The following TENM2 variants were observed in gnomAD, a reference collection of about 807,000 sequenced individuals.
TENM2 encodes the protein teneurin-2.
In TENM2, 52 loss-of-function variants were observed where a neutral mutation model predicts 245.2. The ratio of observed to expected loss-of-function variants is 0.21; its 90% confidence interval spans 0.17 to 0.27. TENM2 has a LOEUF of 0.27. Ranked by LOEUF, TENM2 falls within the 10% of genes least tolerant of loss-of-function variation. TENM2 has a pLI of 1.00. For synonymous variants in TENM2, 1,363 were observed against 1,438.9 expected, an observed-to-expected ratio of 0.95 and a Z score of 1.19; for missense variants, 3,046 against 3,666.8, an observed-to-expected ratio of 0.83 and a Z score of 4.37.
chr5:166,980,964 C>T, the TENM2 span, among the ~76,000 whole-genome samples: 1 of 152,164 alleles, frequency 6.6e-6, no homozygotes, highest in Non-Finnish European at 1.5e-5. Flanking sequence ...TGCAATAATA[C>T]TCTTAAACTT....
At chr5:167,607,412 A>C (rs979369740) in intron 2 of TENM2, among the ~76,000 whole-genome samples, 2 of 152,198 alleles carry the variant, frequency 1.3e-5, no homozygotes, top group African/African-American at 4.8e-5. Flanking sequence ...TAATATAAAC[A>C]AAACAAAAAC....
At chr5:167,199,667 CATT>C in the TENM2 span, among the ~76,000 whole-genome samples, 1 of 152,128 alleles carries the variant, frequency 6.6e-6, no homozygotes. Context: ...CTTCGCCTCA[CATT>C]TTCTCCCCTT....
chr5:167,900,813 G>A (rs926576184), intron 3 of TENM2, among the ~76,000 whole-genome samples: 1 of 151,298 alleles, frequency 6.6e-6, no homozygotes, highest in Non-Finnish European at 1.5e-5. Context: ...GAAGCAGGAA[G>A]ACTGGAGTGA....
At chr5:167,460,882 T>G (rs573039838) in intron 2 of TENM2, among the ~76,000 whole-genome samples, 5 of 152,204 alleles carry the variant, frequency 3.3e-5, no homozygotes, top group Non-Finnish European at 5.9e-5. Context: ...ATTGTATGAT[T>G]GGTGCAACTC....
intron 2 of TENM2, among the ~76,000 whole-genome samples, chr5:167,563,056 A>G (rs1394636854): frequency 6.6e-6 from 1 of 151,956 alleles, no homozygotes; most frequent in East Asian, 1.9e-4. Flanking sequence ...CCCTGGGCAC[A>G]TGCCTAGGTA....
At chr5:167,640,844 T>C (rs1582624994) in intron 2 of TENM2, among the ~76,000 whole-genome samples, 7 of 4,076 alleles carry the variant, frequency 1.7e-3, no homozygotes, top group African/African-American at 4.6e-3. Flanking sequence ...TATATATCCA[T>C]ATATATATAT....
chr5:168,057,924 C>G lies in TENM2; in HGVS notation c.1310-4136C>G, dbSNP rs569332581. On this transcript the variant is annotated intron_variant, in intron 6 of 28. Transcript: ENST00000518659. The stretch of plus-strand genomic sequence containing the variant: ...TAGACAGTTTCAATATGGCTTTACT[C>G]TCTCTCTCTCTCTGGGCATGAGTGA... 9.9e-5 allele frequency among the ~76,000 whole-genome samples: 15 copies of G among 150,864 alleles called. No individual in the cohort carries two copies. The South Asian group carries it at 1.3e-3, about 13-fold the overall frequency.
At chr5:167,445,806 C>T (rs961902955) in intron 2 of TENM2, among the ~76,000 whole-genome samples, 3 of 152,088 alleles carry the variant, frequency 2.0e-5, no homozygotes, top group South Asian at 2.1e-4. Flanking sequence ...CTGCCCAAAC[C>T]GTCCCTGGTC....
chr5:168,097,984 A>G (rs1303887747), intron 8 of TENM2, 42 bp from the exon 11 acceptor site: 1 of 1,471,900 alleles, frequency 6.8e-7, no homozygotes, highest in East Asian at 2.3e-5. Context: ...CTGCACCAGT[A>G]GACAGAGGAA....
At chr5:167,945,553 C>T (rs1423098696) in intron 3 of TENM2, among the ~76,000 whole-genome samples, 1 of 152,080 alleles carries the variant, frequency 6.6e-6, no homozygotes, top group African/African-American at 2.4e-5. Flanking sequence ...CTAAGATGTC[C>T]CTGCCGACCC....
intron 2 of TENM2, among the ~76,000 whole-genome samples, chr5:167,760,732 C>A (rs1313810417): frequency 2.0e-5 from 3 of 152,322 alleles, no homozygotes; most frequent in South Asian, 2.1e-4. Flanking sequence ...CGGCTCACTG[C>A]AACCTCTGCC....
chr5:167,309,284 C>G (rs922511265), intron 1 of TENM2, among the ~76,000 whole-genome samples: 2 of 152,172 alleles, frequency 1.3e-5, no homozygotes, highest in African/African-American at 4.8e-5. Flanking sequence ...AACGTGGTCC[C>G]TGATTTACAA....
chr5:167,127,670 A>G, the TENM2 span, among the ~76,000 whole-genome samples: 1 of 151,104 alleles, frequency 6.6e-6, no homozygotes, highest in Admixed American at 6.6e-5. Flanking sequence ...CCACTAATGA[A>G]TAATTACTTT....
chr5:167,842,311 A>G (rs1361532950), intron 2 of TENM2, among the ~76,000 whole-genome samples: 1 of 152,126 alleles, frequency 6.6e-6, no homozygotes, highest in Non-Finnish European at 1.5e-5. Flanking sequence ...ACTTTAGGCC[A>G]GGTGCAGTGG....
At chr5:167,139,956 T>C in the TENM2 span, among the ~76,000 whole-genome samples, 1 of 152,200 alleles carries the variant, frequency 6.6e-6, no homozygotes, top group African/African-American at 2.4e-5. Flanking sequence ...TATATTTCAG[T>C]CTAGCATTAG....
intron 2 of TENM2, among the ~76,000 whole-genome samples, chr5:167,624,804 G>C (rs552565670): frequency 6.6e-6 from 1 of 152,128 alleles, no homozygotes; most frequent in Non-Finnish European, 1.5e-5. Flanking sequence ...TTCATAACAA[G>C]AAGAGTTGTT....
At chr5:167,468,913 G>A (rs1442350411) in intron 2 of TENM2, among the ~76,000 whole-genome samples, 1 of 152,134 alleles carries the variant, frequency 6.6e-6, no homozygotes, top group African/African-American at 2.4e-5. Context: ...CATTTCTATT[G>A]TACTCAATTG....
chr5:167,551,477 A>G (rs1772938029), intron 2 of TENM2, among the ~76,000 whole-genome samples: 1 of 152,210 alleles, frequency 6.6e-6, no homozygotes, highest in Non-Finnish European at 1.5e-5. Flanking sequence ...ATAAAGAAGT[A>G]CATAGTAACT....
chr5:167,967,328 G>A (rs1781455395), intron 4 of TENM2, among the ~76,000 whole-genome samples: 2 of 152,176 alleles, frequency 1.3e-5, no homozygotes, highest in Non-Finnish European at 2.9e-5. Context: ...GTAATTTATG[G>A]CTTGTGGTGT....
Sources: allele counts gnomAD v4.1 joint callset (sites outside exome capture counted in the v4.1 genomes callset), GRCh38; gene constraint gnomAD v4.1.1; transcripts MANE v1.5; gene names NCBI Gene and HGNC (gene_info 2026-07-23, HGNC 2026-07-21).